The following DOCK8 variants were observed in gnomAD, a reference collection of about 807,000 sequenced individuals.
The protein encoded by DOCK8 is dedicator of cytokinesis 8.
DOCK8 carries 141 observed loss-of-function variants against 245.6 expected under a neutral mutation model. The observed-to-expected ratio is 0.57, with a 90% CI of 0.50 to 0.66. The LOEUF (loss-of-function observed/expected upper bound fraction) is 0.66. Among genes scored for constraint, DOCK8 ranks in the 30% least tolerant of loss-of-function variants. DOCK8 has a pLI of 0.00. For missense variants in DOCK8, 2,965 were observed against 2,603.4 expected (o/e 1.14, Z -3.02); for synonymous variants, 1,168 against 970.2 (o/e 1.20, Z -3.79).
rs1340398088 is a variant in DOCK8 at position 390,648 on chromosome 9, G to A, written c.2970+82G>A. ...GAAAGGAATTGACATTTTGTTCACT[G>A]AGTTGCCCCTGCTGAAAACCTGGGG... On this transcript the variant is annotated intron_variant, in intron 24 of 47. Transcript: ENST00000432829. The A allele has an allele frequency of 2.2e-6, 3 of 1,353,196 alleles. No homozygotes were observed. The African/African-American group carries it at 4.3e-5, about 19-fold the overall frequency. 83.8% of individuals were successfully genotyped at this position (1,353,196 alleles called of 1,614,324 possible). A position where few individuals can be genotyped will look rare whatever the true frequency, so the allele number is the denominator to read the frequency against.
chr9:456,287 GTAAC>G (rs1285910704), intron 46 of DOCK8: 3 of 152,352 alleles, frequency 2.0e-5, no homozygotes, highest in South Asian at 2.1e-4. Flanking sequence ...AATGAATAGA[GTAAC>G]TATTTTTTCA....
intron 28 of DOCK8, among the ~76,000 whole-genome samples, chr9:412,573 G>C (rs1203021089): frequency 6.6e-6 from 1 of 151,974 alleles, no homozygotes; most frequent in Non-Finnish European, 1.5e-5. Flanking sequence ...GTGTTGCATG[G>C]TATAAGATCA....
Position 214,965 on chromosome 9 carries a change from C to T in DOCK8, c.-12C>T, listed in dbSNP as rs769683861. ...CCCGCGACCCTAGAAGCCACCGAACCGCCGGCGGGCCATGGCCACTCTGCC... is the reference window on the plus strand; with the variant it reads ...CCCGCGACCCTAGAAGCCACCGAACTGCCGGCGGGCCATGGCCACTCTGCC... On this transcript the variant is annotated 5_prime_UTR_variant, in exon 1 of 48. Transcript: ENST00000432829. 12 of 1,602,070 alleles carry T rather than the reference C, an allele frequency of 7.5e-6. No individual in the cohort carries two copies. The African/African-American group carries it at 1.4e-4, about 18-fold the overall frequency.
chr9:322,828 C>G (rs1345826182), intron 7 of DOCK8, among the ~76,000 whole-genome samples: 1 of 152,094 alleles, frequency 6.6e-6, no homozygotes, highest in African/African-American at 2.4e-5. Context: ...TGCAGTGGCT[C>G]ACACCTGTAA....
chr9:268,267 A>G (rs1371069669), intron 1 of DOCK8: 1 of 152,200 alleles, frequency 6.6e-6, no homozygotes, highest in African/African-American at 2.4e-5. Context: ...CTTCTGTATA[A>G]TTGATTCTGT....
intron 1 of DOCK8, among the ~76,000 whole-genome samples, chr9:251,244 G>C (rs491805): frequency 0.22 from 33,907 of 151,930 alleles, 4,418 homozygotes; most frequent in East Asian, 0.39. Context: ...TTGTTCCTTG[G>C]TGAAACACAA....
chr9:386,068 C>T (rs780834368), intron 22 of DOCK8, among the ~76,000 whole-genome samples: 2 of 152,132 alleles, frequency 1.3e-5, no homozygotes, highest in Non-Finnish European at 2.9e-5. Context: ...AGGGACTACT[C>T]AGCAGCCCAG....
intron 6 of DOCK8, among the ~76,000 whole-genome samples, chr9:316,334 A>G (rs2050345520): frequency 6.6e-6 from 1 of 152,260 alleles, no homozygotes; most frequent in African/African-American, 2.4e-5. Context: ...TATAATTAAC[A>G]TAGAATGATA....
intron 1 of DOCK8, among the ~76,000 whole-genome samples, chr9:227,981 C>T (rs1771761736): frequency 6.6e-6 from 1 of 152,106 alleles, no homozygotes; most frequent in Non-Finnish European, 1.5e-5. Context: ...ATTGGATTTA[C>T]CCTGAAGGTG....
intron 40 of DOCK8, among the ~76,000 whole-genome samples, chr9:440,474 T>C (rs2057059378): frequency 6.6e-6 from 1 of 152,230 alleles, no homozygotes; most frequent in African/African-American, 2.4e-5. Context: ...CTCTACAATT[T>C]TATTTATTTT....
At chr9:413,635 A>G (rs1242907362) in intron 28 of DOCK8, among the ~76,000 whole-genome samples, 2 of 152,256 alleles carry the variant, frequency 1.3e-5, no homozygotes, top group East Asian at 1.9e-4. Context: ...AGATACAGCC[A>G]TAAGACCATG....
At chr9:367,638 G>A (rs1353889825) in intron 14 of DOCK8, among the ~76,000 whole-genome samples, 1 of 152,190 alleles carries the variant, frequency 6.6e-6, no homozygotes, top group Non-Finnish European at 1.5e-5. Flanking sequence ...AAAAAGAGAA[G>A]AATGACAAGT....
At chr9:260,015 C>G (rs1587679797) in intron 1 of DOCK8, among the ~76,000 whole-genome samples, 1 of 152,342 alleles carries the variant, frequency 6.6e-6, no homozygotes, top group East Asian at 1.9e-4. Flanking sequence ...ATTGTGGGCA[C>G]CACATATAGC....
At chr9:261,997 G>GAGAAAGAAA (rs1554648147) in intron 1 of DOCK8, among the ~76,000 whole-genome samples, 1 of 146,852 alleles carries the variant, frequency 6.8e-6, no homozygotes, top group African/African-American at 2.5e-5. Flanking sequence ...AAGAAAGAAG[G>GAGAAAGAAA]AGAAAGAAAG....
chr9:353,372 G>A (rs2052268911), intron 14 of DOCK8, among the ~76,000 whole-genome samples: 1 of 152,160 alleles, frequency 6.6e-6, no homozygotes, highest in African/African-American at 2.4e-5. Context: ...GTCTGGCAAT[G>A]TTAAAAACAT....
chr9:422,146 C>T lies in DOCK8; in HGVS notation c.4241+11C>T, dbSNP rs1420417215. 4.4e-5 allele frequency: 71 copies of T among 1,611,844 alleles called. No individual in the cohort carries two copies. Among genetic ancestry groups the T allele is most frequent in the East Asian group, 2.5e-4 (11 of 44,880 alleles). On this transcript the variant is annotated intron_variant, in intron 33 of 47. Coordinates refer to ENST00000432829, the MANE Select transcript of DOCK8 (RefSeq NM_203447.4). ...TGAGAAGCTAGATAAGTGAGTCACT[C>T]GGCAACTTTCTGCTACTTTTACCTA...
chr9:236,959 C>G (rs986984360), intron 1 of DOCK8, among the ~76,000 whole-genome samples: 2 of 152,236 alleles, frequency 1.3e-5, no homozygotes, highest in African/African-American at 4.8e-5. Context: ...GGGAGGACTG[C>G]TTACAAGATT....
intron 6 of DOCK8, among the ~76,000 whole-genome samples, chr9:313,941 A>C (rs2050236761): frequency 6.6e-6 from 1 of 152,238 alleles, no homozygotes; most frequent in Non-Finnish European, 1.5e-5. Context: ...TTGTCAATTA[A>C]AAAATAAATT....
At chr9:331,893 G>A (rs1020930161) in intron 9 of DOCK8, among the ~76,000 whole-genome samples, 1 of 152,094 alleles carries the variant, frequency 6.6e-6, no homozygotes, top group Non-Finnish European at 1.5e-5. Flanking sequence ...TAATTTATTC[G>A]GTTCAGTCAT....
Sources: allele counts gnomAD v4.1 joint callset (sites outside exome capture counted in the v4.1 genomes callset), GRCh38; gene constraint gnomAD v4.1.1; transcripts MANE v1.5; gene names NCBI Gene and HGNC (gene_info 2026-07-23, HGNC 2026-07-21).